Variants in MDFIC observed in about 807,000 individuals in gnomAD.
MDFIC encodes the protein myoD family inhibitor domain-containing protein.
A neutral mutation model predicts 23.2 loss-of-function variants in MDFIC; 17 were observed. That is an observed-to-expected ratio of 0.73 (90% CI 0.50 to 1.10). The LOEUF (loss-of-function observed/expected upper bound fraction) is 1.10. Ranked by LOEUF, MDFIC falls within the 50% of genes least tolerant of loss-of-function variation. The pLI, the probability that MDFIC is intolerant of heterozygous loss-of-function variation, is 0.00. For missense variants in MDFIC, 356 were observed against 316.6 expected (o/e 1.12, Z -0.95); for synonymous variants, 120 against 115.2 (o/e 1.04, Z -0.27).
In MDFIC at chr7:114,979,613, A is replaced by C; in HGVS notation, c.325A>C (p.Ile109Leu). The change falls in exon 4 of 5, where the codon ATT becomes CTT. Residue 109 changes from isoleucine (I) to leucine (L), a missense_variant. Coordinates refer to ENST00000393486, the MANE Select transcript of MDFIC (RefSeq NM_001166345.3). ...GHTGLSNGNG[I>L]HHGAKHGSAD... is the part of the protein sequence containing the mutation. ...CACAGGTCTGAGCAATGGAAATGGA[A>C]TTCACCACGGGGCCAAACACGGATC... 1 of 1,614,084 alleles carries C rather than the reference A, an allele frequency of 6.2e-7. No homozygotes were observed. The highest frequency in any genetic ancestry group is 8.5e-7 in the Non-Finnish European group (1 of 1,180,006).
At chr7:114,936,465 A>G (rs931238141) in intron 2 of MDFIC, among the ~76,000 whole-genome samples, 1 of 152,178 alleles carries the variant, frequency 6.6e-6, no homozygotes, top group African/African-American at 2.4e-5. Context: ...TAGTTTGAAC[A>G]GTTGTCTTAT....
intron 4 of MDFIC, among the ~76,000 whole-genome samples, chr7:114,985,719 A>G (rs569871991): frequency 6.6e-6 from 1 of 151,796 alleles, no homozygotes; most frequent in East Asian, 1.9e-4. Context: ...TTATTCAGAG[A>G]ACTACAAACA....
intron 4 of MDFIC, among the ~76,000 whole-genome samples, chr7:115,008,213 T>C (rs2116118030): frequency 6.6e-6 from 1 of 151,764 alleles, no homozygotes; most frequent in Middle Eastern, 3.4e-3. Flanking sequence ...GCAACTCCCA[T>C]AGGATGGAGA....
intron 4 of MDFIC, among the ~76,000 whole-genome samples, chr7:115,013,618 A>G (rs1791727216): frequency 6.6e-6 from 1 of 152,254 alleles, no homozygotes; most frequent in African/African-American, 2.4e-5. Context: ...ACTTGAAGGT[A>G]CATTGAATAA....
chr7:114,947,681 A>C (rs1006984357), intron 3 of MDFIC, among the ~76,000 whole-genome samples: 7 of 152,172 alleles, frequency 4.6e-5, no homozygotes, highest in Admixed American at 2.6e-4. Flanking sequence ...CTAAGAGGTC[A>C]ATGGAAACTG....
chr7:114,940,803 C>T (rs1458269299), intron 2 of MDFIC, among the ~76,000 whole-genome samples: 6 of 152,278 alleles, frequency 3.9e-5, no homozygotes, highest in Middle Eastern at 3.4e-3. Flanking sequence ...ATAAATTGGT[C>T]TCATGATTTT....
At chr7:115,001,473 C>T (rs1791464603) in intron 4 of MDFIC, among the ~76,000 whole-genome samples, 1 of 152,082 alleles carries the variant, frequency 6.6e-6, no homozygotes, top group Non-Finnish European at 1.5e-5. Context: ...GCAGAAATTG[C>T]ATTTTGGAAT....
intron 4 of MDFIC, among the ~76,000 whole-genome samples, chr7:114,995,095 T>C (rs1791293867): frequency 6.6e-6 from 1 of 152,186 alleles, no homozygotes; most frequent in Non-Finnish European, 1.5e-5. Flanking sequence ...ATTTCATTCA[T>C]TTGATCTTCA....
At position 114,922,574 on chromosome 7, in the gene MDFIC, C is replaced by T. The variant is rs1585088018; in HGVS notation, c.-170C>T. ...CGCTGCCGGAGGCTCGCTAACTTTCCGGGGCGGAAGAGGAGGAGGAGGAGG... is the reference window on the plus strand; with the variant it reads ...CGCTGCCGGAGGCTCGCTAACTTTCTGGGGCGGAAGAGGAGGAGGAGGAGG... On this transcript the variant is annotated 5_prime_UTR_variant, in exon 1 of 5. Transcript: ENST00000393486. 2.4e-6 allele frequency: 3 copies of T among 1,267,792 alleles called. No homozygotes were observed. Among genetic ancestry groups the T allele is most frequent in the South Asian group, 7.3e-5 (2 of 27,570 alleles). The allele number at this position is 1,267,792 out of a possible 1,614,324, so 78.5% of individuals were successfully genotyped here. A position where few individuals can be genotyped will look rare whatever the true frequency, so the allele number is the denominator to read the frequency against.
intron 2 of MDFIC, 141 bp from the exon 3 acceptor site, chr7:114,942,134 A>G (rs763293153): frequency 2.4e-6 from 1 of 416,864 alleles, no homozygotes; most frequent in Non-Finnish European, 4.1e-6. Flanking sequence ...CCAATAAAAT[A>G]GGCAGCAGGC....
intron 2 of MDFIC, among the ~76,000 whole-genome samples, chr7:114,931,676 C>T (rs1478572230): frequency 6.6e-6 from 1 of 152,186 alleles, no homozygotes; most frequent in Non-Finnish European, 1.5e-5. Flanking sequence ...CAGATGCCAA[C>T]TAACTGGTAT....
At chr7:114,992,734 T>G (rs908512589) in intron 4 of MDFIC, among the ~76,000 whole-genome samples, 5 of 152,230 alleles carry the variant, frequency 3.3e-5, no homozygotes, top group African/African-American at 1.2e-4. Context: ...TTTGATGTGC[T>G]TCTGGATTCG....
chr7:114,991,153 A>G (rs1164613570), intron 4 of MDFIC, among the ~76,000 whole-genome samples: 1 of 152,148 alleles, frequency 6.6e-6, no homozygotes, highest in Admixed American at 6.5e-5. Context: ...TCTTGTTTTG[A>G]GAAGTGTCTG....
At chr7:114,998,831 C>T (rs748386941) in intron 4 of MDFIC, among the ~76,000 whole-genome samples, 7 of 151,992 alleles carry the variant, frequency 4.6e-5, no homozygotes, top group African/African-American at 7.2e-5. Context: ...AAATTAATTT[C>T]GGACATTAAG....
chr7:115,013,153 G>C (rs935191892), intron 4 of MDFIC, among the ~76,000 whole-genome samples: 2 of 152,128 alleles, frequency 1.3e-5, no homozygotes, highest in African/African-American at 4.8e-5. Context: ...GCGGAGTATA[G>C]TTTCCATTCT....
intron 2 of MDFIC, among the ~76,000 whole-genome samples, chr7:114,939,766 G>A (rs183450336): frequency 2.0e-5 from 3 of 152,270 alleles, no homozygotes; most frequent in African/African-American, 4.8e-5. Context: ...AGTCAGCAAT[G>A]CTTCATAATG....
At chr7:114,958,460 T>A (rs1792924507) in intron 3 of MDFIC, among the ~76,000 whole-genome samples, 1 of 152,210 alleles carries the variant, frequency 6.6e-6, no homozygotes, top group Non-Finnish European at 1.5e-5. Context: ...TGTTTGAAAC[T>A]ATTTTCCCGG....
Position 114,979,683 on chromosome 7 carries a change from A to G in MDFIC, c.395A>G (p.His132Arg), listed in dbSNP as rs147450241. ...TCAGCACCTGTTTCTCAAAAAATGCATAGAAAAATTCAGTCCAGCTTGTCT... is the reference window on the plus strand; with the variant it reads ...TCAGCACCTGTTTCTCAAAAAATGCGTAGAAAAATTCAGTCCAGCTTGTCT... ...KLSAPVSQKM[H>R]RKIQSSLSVN... Residue 132 changes from histidine to arginine, a missense_variant, in exon 4 of 5, where the codon CAT becomes CGT. By Grantham distance (29) the His-to-Arg change is conservative. Coordinates refer to ENST00000393486, the MANE Select transcript of MDFIC (RefSeq NM_001166345.3). 3 of 1,614,156 alleles carry G rather than the reference A, an allele frequency of 1.9e-6. No individual in the cohort carries two copies. Among genetic ancestry groups the G allele is most frequent in the East Asian group, 2.2e-5 (1 of 44,878 alleles).
Position 114,956,725 on chromosome 7 carries a change from G to A in MDFIC, c.217+14328G>A, listed in dbSNP as rs536616972. On this transcript the variant is annotated intron_variant, in intron 3 of 4. Coordinates refer to ENST00000393486, the MANE Select transcript of MDFIC (RefSeq NM_001166345.3). ...GACCAATGAATTTAGAATCATTAGG[G>A]GTAGGGCTTGGGCATTTGTGAGCCC... Among the ~76,000 whole-genome samples, 7 of 152,200 alleles carry A rather than the reference G, an allele frequency of 4.6e-5. No individual in the cohort carries two copies. In the East Asian group the frequency reaches 1.4e-3, roughly 29 times the overall value.
Sources: allele counts gnomAD v4.1 joint callset (sites outside exome capture counted in the v4.1 genomes callset), GRCh38; gene constraint gnomAD v4.1.1; transcripts MANE v1.5; gene names NCBI Gene and HGNC (gene_info 2026-07-23, HGNC 2026-07-21).